Variants in LTBP1 observed in about 807,000 individuals in gnomAD.
LTBP1 encodes latent-transforming growth factor beta-binding protein 1.
Under a neutral mutation model 207.6 loss-of-function variants are expected in LTBP1, and 129 were observed. The observed-to-expected ratio is 0.62, with a 90% CI of 0.54 to 0.72. The LOEUF is 0.72. LTBP1 is among the 30% of genes least tolerant of loss of function. The pLI, the probability that LTBP1 is intolerant of heterozygous loss-of-function variation, is 0.00. For synonymous variants in LTBP1, 963 were observed against 833.7 expected (o/e 1.16, Z -2.67); for missense variants, 2,281 against 2,217.2 (o/e 1.03, Z -0.58).
rs1395677185 is a variant in LTBP1 at position 33,254,946 on chromosome 2, C to CT, written c.2167+2105dup. Among the ~76,000 whole-genome samples, 3 of 121,578 alleles carry CT rather than the reference C, an allele frequency of 2.5e-5. No homozygotes were observed. The East Asian group carries it at 7.9e-4, about 32-fold the overall frequency. 79.8% of individuals were successfully genotyped at this position (121,578 alleles called of 152,430 possible). A position where few individuals can be genotyped will look rare whatever the true frequency, so the allele number is the denominator to read the frequency against. On this transcript the variant is annotated intron_variant, in intron 11 of 33. Transcript: ENST00000404816. Reference sequence around the variant, plus strand: ...GTTTCCTGCATTTTTTTTTATTATACTTTAAGTTTTAGGGTACATGTGCAC... The same window carrying CT: ...GTTTCCTGCATTTTTTTTTATTATACTTTTAAGTTTTAGGGTACATGTGCAC...
intron 15 of LTBP1, among the ~76,000 whole-genome samples, chr2:33,270,079 G>T (rs918579756): frequency 2.0e-5 from 3 of 151,194 alleles, no homozygotes; most frequent in Admixed American, 6.6e-5. Flanking sequence ...ACCACACCTG[G>T]CTAATTTTTT....
At chr2:33,167,506 A>T (rs1349533212) in intron 5 of LTBP1, among the ~76,000 whole-genome samples, 1 of 152,254 alleles carries the variant, frequency 6.6e-6, no homozygotes, top group Admixed American at 6.5e-5. Flanking sequence ...GAGCAGTCAG[A>T]TGTGAACCCA....
At chr2:33,227,987 A>G (rs2149502665) in intron 9 of LTBP1, among the ~76,000 whole-genome samples, 2 of 151,638 alleles carry the variant, frequency 1.3e-5, no homozygotes, top group South Asian at 4.2e-4. Flanking sequence ...TTATATTTTC[A>G]GTAGAGACGG....
At chr2:33,385,762 A>G (rs2095260442) in intron 31 of LTBP1, among the ~76,000 whole-genome samples, 1 of 152,158 alleles carries the variant, frequency 6.6e-6, no homozygotes, top group Non-Finnish European at 1.5e-5. Flanking sequence ...ATGGATTAGG[A>G]CAGACCTGTG....
chr2:32,968,256 A>G (rs1302266855), intron 2 of LTBP1, among the ~76,000 whole-genome samples: 2 of 152,174 alleles, frequency 1.3e-5, no homozygotes, highest in Admixed American at 1.3e-4. Flanking sequence ...GTGAGCCACC[A>G]TGCCTGATTA....
chr2:33,321,894 G>T (rs2149346880), intron 24 of LTBP1, among the ~76,000 whole-genome samples: 1 of 152,274 alleles, frequency 6.6e-6, no homozygotes, highest in Middle Eastern at 3.4e-3. Context: ...AAAGAAAGTG[G>T]CTTCCAGCTA....
intron 31 of LTBP1, among the ~76,000 whole-genome samples, chr2:33,366,998 A>AC (rs1290086314): frequency 2.6e-5 from 4 of 151,960 alleles, no homozygotes; most frequent in Non-Finnish European, 5.9e-5. Flanking sequence ...CCCTCCACCT[A>AC]CCCCATCACA....
chr2:33,217,710 G>C (rs770660577), intron 8 of LTBP1, 56 bp downstream of exon 8: 6 of 1,211,206 alleles, frequency 5.0e-6, no homozygotes, highest in Non-Finnish European at 7.3e-6. Flanking sequence ...TGTTTTTTAT[G>C]ATTACTCCTT....
rs12620839 is a variant in LTBP1, at chr2:33,134,390, C to T, written c.1034-403C>T. The T allele has an allele frequency of 0.15, 72,464 of 493,268 alleles. 7,459 individuals are homozygous for T. The highest frequency in any genetic ancestry group is 0.49 in the East Asian group (7,421 of 15,224). 30.6% of individuals were successfully genotyped at this position (493,268 alleles called of 1,614,324 possible). ...GTTGAGGACACAAGAGTTTATTCAC[C>T]GCTAGGTGCACGGCCAACCCCTTTG... is the stretch of plus-strand genomic sequence containing the variant. On this transcript the variant is annotated intron_variant, in intron 4 of 33. Transcript: ENST00000404816. The surrounding 1 kb of genome is among the most constrained non-coding windows in gnomAD (Gnocchi z 4.4).
chr2:33,236,593 A>G (rs2092063051), intron 9 of LTBP1, among the ~76,000 whole-genome samples: 1 of 152,214 alleles, frequency 6.6e-6, no homozygotes, highest in Non-Finnish European at 1.5e-5. Context: ...ACTCTTCCTC[A>G]GGAAAGACAG....
In LTBP1 at chr2:33,376,146, C is replaced by G. The variant is rs191505354; in HGVS notation, c.4711+10643C>G. Among the ~76,000 whole-genome samples the G allele has an allele frequency of 5.9e-5, 9 of 152,214 alleles. No homozygotes were observed. The East Asian group carries it at 1.4e-3, about 23-fold the overall frequency. On this transcript the variant is annotated intron_variant, in intron 31 of 33. Transcript: ENST00000404816. ...AATTAGCTCTTATAAGTCTAATAAACCAAACTTAAAACACAACAAATTGAA... is the reference window on the plus strand; with the variant it reads ...AATTAGCTCTTATAAGTCTAATAAAGCAAACTTAAAACACAACAAATTGAA...
chr2:33,281,911 C>T (rs975261559), intron 19 of LTBP1, among the ~76,000 whole-genome samples: 2 of 152,020 alleles, frequency 1.3e-5, no homozygotes, highest in South Asian at 2.1e-4. Flanking sequence ...GGAGCAGAGC[C>T]GGAACTCTAC....
chr2:33,393,978 G>A (rs192387750), intron 32 of LTBP1, among the ~76,000 whole-genome samples: 2,687 of 150,062 alleles, frequency 0.018, 117 homozygotes, highest in Middle Eastern at 0.072. Context: ...TTTAATGATC[G>A]CCATTGTAAT....
chr2:33,273,858 CTT>C (rs1283547744), intron 16 of LTBP1, 77 bp downstream of exon 16: 1 of 1,338,480 alleles, frequency 7.5e-7, no homozygotes, highest in Non-Finnish European at 9.9e-7. Context: ...CTTAAACCAA[CTT>C]AACCATTTTG....
At chr2:33,256,724 C>CTATATATATA (rs10529995) in intron 11 of LTBP1, among the ~76,000 whole-genome samples, 6 of 68,830 alleles carry the variant, frequency 8.7e-5, no homozygotes, top group East Asian at 2.8e-4. Context: ...GGAGGGCTAA[C>CTATATATATA]TATATATATA....
chr2:33,051,761 G>A (rs949271841), intron 3 of LTBP1, among the ~76,000 whole-genome samples: 12 of 152,098 alleles, frequency 7.9e-5, no homozygotes, highest in African/African-American at 2.9e-4. Context: ...TGAGATGTTG[G>A]TGACTCATTC....
At chr2:33,294,869 G>A (rs572303506) in intron 20 of LTBP1, among the ~76,000 whole-genome samples, 6 of 151,424 alleles carry the variant, frequency 4.0e-5, no homozygotes, top group Admixed American at 2.0e-4. Flanking sequence ...GAGCCACCAC[G>A]CCTGGCAAAA....
intron 3 of LTBP1, among the ~76,000 whole-genome samples, chr2:33,036,770 T>C (rs1281237946): frequency 6.6e-6 from 1 of 152,218 alleles, no homozygotes; most frequent in African/African-American, 2.4e-5. Flanking sequence ...GTGATGAACA[T>C]TTTTCTACAA....
intron 26 of LTBP1, among the ~76,000 whole-genome samples, chr2:33,356,604 G>A (rs575954811): frequency 1.6e-4 from 24 of 152,154 alleles, no homozygotes; most frequent in South Asian, 4.1e-4. Context: ...GTGTGAACCC[G>A]GATCCACTGC....
Sources: gnomAD v4.1 joint callset for allele counts (sites outside exome capture counted in the v4.1 genomes callset) on GRCh38, gnomAD v4.1.1 for gene constraint, Gnocchi (gnomAD v3.1) non-coding constraint, MANE v1.5 for transcripts, NCBI Gene and HGNC (gene_info 2026-07-23, HGNC 2026-07-21) for gene names.